TMCC1: variants seen among roughly 807,000 people sequenced by gnomAD.
TMCC1 encodes the protein transmembrane and coiled-coil domains protein 1.
In TMCC1, 15 loss-of-function variants were observed where a neutral mutation model predicts 52.4. The ratio of observed to expected loss-of-function variants is 0.29; its 90% confidence interval spans 0.19 to 0.44. TMCC1 has a LOEUF of 0.44. Among genes scored for constraint, TMCC1 ranks in the 20% least tolerant of loss-of-function variants. The probability of loss-of-function intolerance (pLI) is 1.00; values close to 1 mark genes in which losing one functional copy is unlikely to be tolerated. For missense variants in TMCC1, 503 were observed against 806.0 expected, an observed-to-expected ratio of 0.62 and a Z score of 4.55; for synonymous variants, 279 against 301.9, an observed-to-expected ratio of 0.92 and a Z score of 0.79.
At chr3:129,832,294 G>A (rs908939572) in intron 3 of TMCC1, among the ~76,000 whole-genome samples, 16 of 152,126 alleles carry the variant, frequency 1.1e-4, no homozygotes, top group African/African-American at 3.9e-4. Context: ...GTTATTATAA[G>A]TAAACCAGAG....
intron 2 of TMCC1, among the ~76,000 whole-genome samples, chr3:129,851,317 C>G (rs778912408): frequency 4.6e-5 from 7 of 152,074 alleles, no homozygotes; most frequent in Non-Finnish European, 7.4e-5. Flanking sequence ...AGGCTTAGTT[C>G]TAGCTTTTGA....
chr3:129,704,603 G>A (rs1037977147), intron 4 of TMCC1, among the ~76,000 whole-genome samples: 1 of 152,090 alleles, frequency 6.6e-6, no homozygotes, highest in East Asian at 1.9e-4. Flanking sequence ...ATTTTTAGTA[G>A]AGATGGGGTT....
intron 4 of TMCC1, among the ~76,000 whole-genome samples, chr3:129,729,941 G>A (rs1459825481): frequency 6.6e-6 from 1 of 151,932 alleles, no homozygotes; most frequent in Non-Finnish European, 1.5e-5. Context: ...AGACCAGCCT[G>A]GCCAACGAGT....
intron 1 of TMCC1, among the ~76,000 whole-genome samples, chr3:129,882,010 C>T (rs2061483105): frequency 1.3e-5 from 2 of 151,890 alleles, no homozygotes; most frequent in African/African-American, 4.8e-5. Flanking sequence ...ACAACAAGAG[C>T]AAAAAACTCA....
At chr3:129,873,577 G>A (rs1048643364) in intron 2 of TMCC1, among the ~76,000 whole-genome samples, 1 of 152,088 alleles carries the variant, frequency 6.6e-6, no homozygotes, top group Non-Finnish European at 1.5e-5. Context: ...CTAGTCGGGA[G>A]GATAAGGCAA....
chr3:129,652,359 T>G (rs1255783715), intron 6 of TMCC1, among the ~76,000 whole-genome samples: 2 of 152,176 alleles, frequency 1.3e-5, no homozygotes, highest in Admixed American at 6.6e-5. Context: ...TTGGCCAAAG[T>G]GGACCCCAAA....
intron 4 of TMCC1, among the ~76,000 whole-genome samples, chr3:129,777,509 TA>T (rs1206216240): frequency 1.3e-5 from 2 of 152,198 alleles, no homozygotes; most frequent in East Asian, 3.8e-4. Flanking sequence ...TTAAATGACT[TA>T]AAAGTACATC....
At chr3:129,810,481 C>T (rs781678608) in intron 4 of TMCC1, among the ~76,000 whole-genome samples, 3 of 152,206 alleles carry the variant, frequency 2.0e-5, no homozygotes, top group Non-Finnish European at 2.9e-5. Context: ...AACCTTTATA[C>T]TCATTCTCAT....
intron 4 of TMCC1, among the ~76,000 whole-genome samples, chr3:129,746,981 G>T (rs1273906181): frequency 6.6e-6 from 1 of 152,128 alleles, no homozygotes; most frequent in Non-Finnish European, 1.5e-5. Flanking sequence ...TAATTACTTT[G>T]TATCATTGTT....
chr3:129,869,789 C>G (rs2060828037), intron 2 of TMCC1, among the ~76,000 whole-genome samples: 1 of 152,206 alleles, frequency 6.6e-6, no homozygotes. Context: ...CTGTCAAGAA[C>G]AGTTGCCACT....
At chr3:129,656,484 T>A (rs1163501119) in intron 5 of TMCC1, among the ~76,000 whole-genome samples, 1 of 152,240 alleles carries the variant, frequency 6.6e-6, no homozygotes, top group African/African-American at 2.4e-5. Flanking sequence ...ATCACATCTA[T>A]AATATGTAAA....
chr3:129,885,083 G>T (rs1448342222), intron 1 of TMCC1, among the ~76,000 whole-genome samples: 3 of 152,054 alleles, frequency 2.0e-5, no homozygotes, highest in Non-Finnish European at 4.4e-5. Context: ...AGGCTGCAGT[G>T]AGCTTTGATT....
intron 2 of TMCC1, among the ~76,000 whole-genome samples, chr3:129,865,674 G>A (rs1454486039): frequency 6.6e-6 from 1 of 152,118 alleles, no homozygotes; most frequent in East Asian, 1.9e-4. Flanking sequence ...ACGAGTGAAT[G>A]AGTGAATAAA....
At chr3:129,708,080 A>C (rs1257849083) in intron 4 of TMCC1, among the ~76,000 whole-genome samples, 1 of 152,178 alleles carries the variant, frequency 6.6e-6, no homozygotes, top group Admixed American at 6.5e-5. Flanking sequence ...TGAGAGGAAA[A>C]TTTTAGTAAG....
intron 4 of TMCC1, among the ~76,000 whole-genome samples, chr3:129,712,932 G>A (rs1037611315): frequency 7.9e-5 from 12 of 151,984 alleles, no homozygotes; most frequent in Non-Finnish European, 1.6e-4. Flanking sequence ...AGAGCCTCTC[G>A]AGGTTCAACT....
chr3:129,704,601 T>G (rs977747563), intron 4 of TMCC1, among the ~76,000 whole-genome samples: 1 of 152,136 alleles, frequency 6.6e-6, no homozygotes, highest in African/African-American at 2.4e-5. Context: ...GTATTTTTAG[T>G]AGAGATGGGG....
At chr3:129,720,696 A>AT (rs886732052) in intron 4 of TMCC1, among the ~76,000 whole-genome samples, 4 of 151,816 alleles carry the variant, frequency 2.6e-5, no homozygotes, top group African/African-American at 9.7e-5. Context: ...TATTAAGCTA[A>AT]TATTTTTATT....
At chr3:129,888,889 C>T (rs768838285) in intron 1 of TMCC1, among the ~76,000 whole-genome samples, 1 of 152,136 alleles carries the variant, frequency 6.6e-6, no homozygotes. Context: ...GACACTTTAG[C>T]CCTGTGGTCT....
Position 129,651,803 on chromosome 3 carries a change from C to A in TMCC1, c.1648-8G>T. The stretch of plus-strand genomic sequence containing the variant: ...GCATGCCTCCAGGGCCTCCTGTGGG[C>A]CAGAACAGGGAAGAGTTAAGCCTTC... On this transcript the variant is annotated splice_polypyrimidine_tract_variant and splice_region_variant and intron_variant, in intron 6 of 6. Coordinates refer to ENST00000393238, the MANE Select transcript of TMCC1 (RefSeq NM_001017395.5). This position sits in a 1 kb window ranked among gnomAD's most constrained non-coding sequence, Gnocchi z 5.1. The A allele has an allele frequency of 6.2e-7, 1 of 1,610,366 alleles. No individual in the cohort carries two copies.
Sources: gnomAD v4.1 joint callset for allele counts (sites outside exome capture counted in the v4.1 genomes callset) on GRCh38, gnomAD v4.1.1 for gene constraint, Gnocchi (gnomAD v3.1) non-coding constraint, MANE v1.5 for transcripts, NCBI Gene and HGNC (gene_info 2026-07-23, HGNC 2026-07-21) for gene names.